SLC25A26: variants seen among roughly 807,000 people sequenced by gnomAD.
The protein encoded by SLC25A26 is solute carrier family 25 member 26, also known as mitochondrial S-adenosylmethionine carrier protein.
SLC25A26 carries 36 observed loss-of-function variants against 37.8 expected under a neutral mutation model. That is an observed-to-expected ratio of 0.95 (90% CI 0.73 to 1.26). The LOEUF (loss-of-function observed/expected upper bound fraction) is 1.26, where lower values mean the gene tolerates loss of function less well. Ranked by LOEUF, SLC25A26 falls within the 50% of genes most tolerant of loss-of-function variation. The probability of loss-of-function intolerance (pLI) is 0.00; values close to 1 mark genes in which losing one functional copy is unlikely to be tolerated. For synonymous variants in SLC25A26, 129 were observed against 122.5 expected, an observed-to-expected ratio of 1.05 and a Z score of -0.35; for missense variants, 390 against 331.1, an observed-to-expected ratio of 1.18 and a Z score of -1.38.
chr3:66,216,035 A>T (rs956371460), upstream of SLC25A26, among the ~76,000 whole-genome samples: 113 of 152,298 alleles, frequency 7.4e-4, no homozygotes, highest in African/African-American at 2.5e-3. Flanking sequence ...GTGGAAGGGA[A>T]AAAAGGCTGA....
chr3:66,292,509 T>C (rs1040931901), intron 5 of SLC25A26, among the ~76,000 whole-genome samples: 1 of 152,216 alleles, frequency 6.6e-6, no homozygotes, highest in Non-Finnish European at 1.5e-5. Flanking sequence ...ACAAAGTCTC[T>C]CAGCATTTGC....
intron 5 of SLC25A26, among the ~76,000 whole-genome samples, chr3:66,279,470 A>G (rs896572009): frequency 1.3e-5 from 2 of 152,208 alleles, no homozygotes; most frequent in African/African-American, 2.4e-5. Context: ...TATGAAAAAT[A>G]TAAGAATTTA....
At chr3:66,361,041 A>C (rs968768804) in intron 6 of SLC25A26, among the ~76,000 whole-genome samples, 6 of 152,252 alleles carry the variant, frequency 3.9e-5, no homozygotes, top group Non-Finnish European at 8.8e-5. Context: ...ATTGATATCA[A>C]GATAGGCCTA....
intron 1 of SLC25A26, among the ~76,000 whole-genome samples, chr3:66,171,463 A>G (rs1283757756): frequency 6.6e-6 from 1 of 151,882 alleles, no homozygotes; most frequent in Non-Finnish European, 1.5e-5. Flanking sequence ...AACATGTTCT[A>G]TTGCTTGCAA....
intron 5 of SLC25A26, among the ~76,000 whole-genome samples, chr3:66,265,926 G>A (rs1002291207): frequency 2.0e-5 from 3 of 152,216 alleles, no homozygotes; most frequent in African/African-American, 7.2e-5. Flanking sequence ...TCTGAGAGAT[G>A]CTGAATAAAT....
At chr3:66,165,635 A>G (rs1419759604) in intron 1 of SLC25A26, among the ~76,000 whole-genome samples, 1 of 152,184 alleles carries the variant, frequency 6.6e-6, no homozygotes, top group Non-Finnish European at 1.5e-5. Context: ...GGACATCATA[A>G]GCAAATCCTG....
chr3:66,356,905 T>C (rs1373850356), intron 6 of SLC25A26, among the ~76,000 whole-genome samples: 1 of 152,092 alleles, frequency 6.6e-6, no homozygotes, highest in Non-Finnish European at 1.5e-5. Flanking sequence ...GCTAGGATTA[T>C]AGGCACGAGC....
Position 66,304,555 on chromosome 3 carries a change from C to A in SLC25A26, c.453+41176C>A, listed in dbSNP as rs114817593. ...TTATACTGGTAAGCTCTGTAACAAC[C>A]CCTGATTGCTGAACATGCTAACTGG... On this transcript the variant is annotated intron_variant, in intron 5 of 9. Coordinates refer to ENST00000354883, the MANE Select transcript of SLC25A26 (RefSeq NM_001379210.1). 3.1e-3 allele frequency: 1,382 copies of A among 442,796 alleles called. 22 individuals carry two copies. The highest frequency in any genetic ancestry group is 0.014 in the African/African-American group (668 of 49,270). 27.4% of individuals were successfully genotyped at this position (442,796 alleles called of 1,614,324 possible). A position where few individuals can be genotyped will look rare whatever the true frequency, so the allele number is the denominator to read the frequency against.
intron 7 of SLC25A26, among the ~76,000 whole-genome samples, chr3:66,365,207 C>T (rs986505891): frequency 6.6e-6 from 1 of 152,206 alleles, no homozygotes; most frequent in Non-Finnish European, 1.5e-5. Context: ...AGTGATGAAA[C>T]TTGCCCTCAA....
chr3:66,178,629 G>A (rs937805363), intron 1 of SLC25A26, among the ~76,000 whole-genome samples: 9 of 152,132 alleles, frequency 5.9e-5, no homozygotes, highest in African/African-American at 1.7e-4. Context: ...CTGAGACATC[G>A]AGGGAGTAGC....
At chr3:66,264,368 C>A (rs9854557) in intron 5 of SLC25A26, among the ~76,000 whole-genome samples, 50,898 of 151,954 alleles carry the variant, frequency 0.33, 8,979 homozygotes, top group African/African-American at 0.44. Context: ...TGAAATAAGC[C>A]TTCTAAGACA....
rs1439862729 is a variant in SLC25A26, at chr3:66,366,975, G to A, written c.569-2503G>A. On this transcript the variant is annotated intron_variant, in intron 7 of 9. Transcript: ENST00000354883. ...AGTGCATTCCTGGCATGCCAGATACGAAGTAAGCACTGCAGATATTAGCTC... is the reference window on the plus strand; with the variant it reads ...AGTGCATTCCTGGCATGCCAGATACAAAGTAAGCACTGCAGATATTAGCTC... 3.3e-5 allele frequency among the ~76,000 whole-genome samples: 5 copies of A among 152,208 alleles called. 1 individual carries two copies. Among genetic ancestry groups the A allele is most frequent in the African/African-American group, 7.2e-5 (3 of 41,452 alleles).
chr3:66,299,754 G>T (rs552264774), intron 5 of SLC25A26, among the ~76,000 whole-genome samples: 1 of 152,078 alleles, frequency 6.6e-6, no homozygotes, highest in Non-Finnish European at 1.5e-5. Context: ...TTTATTAAAC[G>T]TCTTGATTGT....
intron 5 of SLC25A26, among the ~76,000 whole-genome samples, chr3:66,276,419 G>A (rs2074149218): frequency 6.6e-6 from 1 of 152,022 alleles, no homozygotes; most frequent in Non-Finnish European, 1.5e-5. Context: ...TGTGATGGGG[G>A]ATCTACAAGA....
chr3:66,221,816 G>A (rs2071508496), intron 1 of SLC25A26, among the ~76,000 whole-genome samples: 1 of 150,550 alleles, frequency 6.6e-6, no homozygotes, highest in African/African-American at 2.5e-5. Context: ...TAACAAAACA[G>A]AGTTTGGCTG....
intron 5 of SLC25A26, among the ~76,000 whole-genome samples, chr3:66,307,275 A>G (rs954404230): frequency 1.3e-5 from 2 of 151,810 alleles, no homozygotes; most frequent in African/African-American, 4.8e-5. Flanking sequence ...GCTTTTTTTC[A>G]TTTGTTTGTT....
intron 1 of SLC25A26, among the ~76,000 whole-genome samples, chr3:66,175,142 C>CAT (rs1299442967): frequency 5.4e-5 from 4 of 74,066 alleles, no homozygotes; most frequent in Non-Finnish European, 1.0e-4. Flanking sequence ...TATATATATA[C>CAT]ACACACACAC....
At chr3:66,351,468 C>T (rs563025986) in intron 6 of SLC25A26, among the ~76,000 whole-genome samples, 2 of 152,158 alleles carry the variant, frequency 1.3e-5, no homozygotes, top group Non-Finnish European at 2.9e-5. Context: ...TGATAGATTT[C>T]ATGGTTTTTA....
chr3:66,353,469 G>T (rs2076506604), intron 6 of SLC25A26, among the ~76,000 whole-genome samples: 1 of 152,206 alleles, frequency 6.6e-6, no homozygotes, highest in Admixed American at 6.5e-5. Flanking sequence ...CTCAGGTTCA[G>T]ATCTAACTCC....
Sources: allele counts gnomAD v4.1 joint callset (sites outside exome capture counted in the v4.1 genomes callset), GRCh38; gene constraint gnomAD v4.1.1; transcripts MANE v1.5; gene names NCBI Gene and HGNC (gene_info 2026-07-23, HGNC 2026-07-21).